ROR2: variants seen among roughly 807,000 people sequenced by gnomAD.
ROR2 encodes ROR family WNT receptor 2.
In ROR2, 33 loss-of-function variants were observed where a neutral mutation model predicts 74.9. That is an observed-to-expected ratio of 0.44 (90% CI 0.33 to 0.59). The LOEUF (loss-of-function observed/expected upper bound fraction) is 0.59. ROR2 is among the 20% of genes least tolerant of loss of function. ROR2 has a pLI of 0.02. For synonymous variants in ROR2, 586 were observed against 558.7 expected (o/e 1.05, Z -0.69); for missense variants, 1,216 against 1,313.8 (o/e 0.93, Z 1.15).
intron 1 of ROR2, among the ~76,000 whole-genome samples, chr9:91,927,441 G>A (rs969838356): frequency 6.6e-6 from 1 of 152,126 alleles, no homozygotes; most frequent in Non-Finnish European, 1.5e-5. Context: ...CCTGAAGGGG[G>A]ACCAGGGGAG....
chr9:91,799,995 T>G (rs1024497825), intron 1 of ROR2, among the ~76,000 whole-genome samples: 19 of 152,218 alleles, frequency 1.2e-4, no homozygotes, highest in Non-Finnish European at 7.3e-5. Flanking sequence ...CTTACTTTCC[T>G]TTTTTGTGAC....
At position 91,724,003 on chromosome 9, in the gene ROR2, C is replaced by CA. The variant is rs1182767715; in HGVS notation, c.2490dup (p.Gly831TrpfsTer65). The CA allele has an allele frequency of 6.2e-7, 1 of 1,612,670 alleles. No individual in the cohort carries two copies. Among genetic ancestry groups the CA allele is most frequent in the East Asian group, 2.2e-5 (1 of 44,866 alleles). On this transcript the variant is annotated frameshift_variant, in exon 9 of 9. Coordinates refer to ENST00000375708, the MANE Select transcript of ROR2 (RefSeq NM_004560.4). LOFTEE classifies it low-confidence loss of function (END_TRUNC). ...GGGTAGAAGTTGGGCAGGTAGGCCC[C>CA]ATAGGCCGGCACCGGCTGGTAGCCG...
intron 1 of ROR2, among the ~76,000 whole-genome samples, chr9:91,926,450 G>A (rs1406560473): frequency 6.7e-6 from 1 of 149,234 alleles, no homozygotes; most frequent in African/African-American, 2.5e-5. Flanking sequence ...GGAGGCTGAA[G>A]CTGGAGAATT....
At chr9:91,874,506 A>C (rs1829901026) in intron 1 of ROR2, among the ~76,000 whole-genome samples, 1 of 152,268 alleles carries the variant, frequency 6.6e-6, no homozygotes, top group African/African-American at 2.4e-5. Flanking sequence ...TCCGTGTTCG[A>C]AAGAAGCCTA....
intron 1 of ROR2, among the ~76,000 whole-genome samples, chr9:91,816,016 A>T (rs1269473306): frequency 6.6e-6 from 1 of 152,022 alleles, no homozygotes; most frequent in Non-Finnish European, 1.5e-5. Flanking sequence ...TTCTCCATAA[A>T]CGGTAAGCAG....
Position 91,932,628 on chromosome 9 carries a change from C to T in ROR2, c.97+17239G>A, listed in dbSNP as rs139231247. ...GCAGTGAGCCAAGATTGCGCCATTG[C>T]ACTCCAGCCTGGGCAACTGAGCGAG... On this transcript the variant is annotated intron_variant, in intron 1 of 8. Coordinates refer to ENST00000375708, the MANE Select transcript of ROR2 (RefSeq NM_004560.4). Among the ~76,000 whole-genome samples the T allele has an allele frequency of 3.5e-3, 523 of 151,180 alleles. 7 individuals carry two copies. The highest frequency in any genetic ancestry group is 0.012 in the African/African-American group (492 of 41,230).
intron 1 of ROR2, among the ~76,000 whole-genome samples, chr9:91,946,524 C>T (rs995193663): frequency 2.0e-5 from 3 of 152,290 alleles, no homozygotes; most frequent in Admixed American, 2.0e-4. Context: ...CAGATAAACA[C>T]CAAAAGGAAA....
intron 1 of ROR2, among the ~76,000 whole-genome samples, chr9:91,872,852 A>G (rs1829841900): frequency 6.6e-6 from 1 of 152,158 alleles, no homozygotes; most frequent in African/African-American, 2.4e-5. Context: ...GGAAAAGTAA[A>G]GGCACCCTGG....
chr9:91,842,870 A>AG (rs945242592), intron 1 of ROR2, among the ~76,000 whole-genome samples: 1 of 152,216 alleles, frequency 6.6e-6, no homozygotes, highest in South Asian at 2.1e-4. Flanking sequence ...AGCAGTGGTG[A>AG]GGGGGGCATC....
chr9:91,813,591 C>T (rs966199429), intron 1 of ROR2, among the ~76,000 whole-genome samples: 5 of 152,304 alleles, frequency 3.3e-5, no homozygotes, highest in Admixed American at 6.5e-5. Context: ...AGGAACCAAA[C>T]TGCAACGCAA....
At position 91,905,621 on chromosome 9, in the gene ROR2, G is replaced by GC. The variant is rs970355985; in HGVS notation, c.97+44245dup. Among the ~76,000 whole-genome samples, 1 of 150,846 alleles carries GC rather than the reference G, an allele frequency of 6.6e-6. No homozygotes were observed. Among genetic ancestry groups the GC allele is most frequent in the African/African-American group, 2.4e-5 (1 of 40,892 alleles). On this transcript the variant is annotated intron_variant, in intron 1 of 8. Coordinates refer to ENST00000375708, the MANE Select transcript of ROR2 (RefSeq NM_004560.4). This position sits in a 1 kb window ranked among gnomAD's most constrained non-coding sequence, Gnocchi z 5.3. Reference sequence around the variant, plus strand: ...TGCCACACACAACACATATACAGATGCCCCCAACACACATAAACACACATA... The same window carrying GC: ...TGCCACACACAACACATATACAGATGCCCCCCAACACACATAAACACACATA...
chr9:91,904,173 T>G (rs1056492211), intron 1 of ROR2, among the ~76,000 whole-genome samples: 1 of 151,916 alleles, frequency 6.6e-6, no homozygotes, highest in Non-Finnish European at 1.5e-5. Context: ...CCCGAGTAGC[T>G]GGGATTACAG....
At chr9:91,808,718 G>T (rs959511696) in intron 1 of ROR2, among the ~76,000 whole-genome samples, 1 of 151,814 alleles carries the variant, frequency 6.6e-6, no homozygotes, top group Non-Finnish European at 1.5e-5. Flanking sequence ...CAGCACTTTC[G>T]GAGGCCGAGG....
chr9:91,795,830 A>G (rs924087284), intron 1 of ROR2, among the ~76,000 whole-genome samples: 3 of 152,236 alleles, frequency 2.0e-5, no homozygotes, highest in African/African-American at 7.2e-5. Context: ...AATAGCACAC[A>G]GGAACCTCTG....
At position 91,723,362 on chromosome 9, in the gene ROR2, C is replaced by T. The variant is rs1206943644; in HGVS notation, c.*300G>A. ...CACCTATTTTCTTGAAAGGCATTTG[C>T]TGCTCACTACCAGTCTACCACCAGA... On this transcript the variant is annotated 3_prime_UTR_variant, in exon 9 of 9. Coordinates refer to ENST00000375708, the MANE Select transcript of ROR2 (RefSeq NM_004560.4). The T allele has an allele frequency of 5.0e-6, 2 of 399,564 alleles. No homozygotes were observed. Among genetic ancestry groups the T allele is most frequent in the Non-Finnish European group, 9.0e-6 (2 of 221,652 alleles). 24.8% of individuals were successfully genotyped at this position (399,564 alleles called of 1,614,324 possible). A position where few individuals can be genotyped will look rare whatever the true frequency, so the allele number is the denominator to read the frequency against.
chr9:91,826,048 T>A (rs2119166764), intron 1 of ROR2, among the ~76,000 whole-genome samples: 1 of 152,332 alleles, frequency 6.6e-6, no homozygotes, highest in African/African-American at 2.4e-5. Flanking sequence ...ACAAGGAATG[T>A]CGATGTCTTA....
rs1832131051 is a variant in ROR2, at chr9:91,949,975, T to C, written c.-12A>G. On this transcript the variant is annotated 5_prime_UTR_variant, in exon 1 of 9. Coordinates refer to ENST00000375708, the MANE Select transcript of ROR2 (RefSeq NM_004560.4). ...GAGCCCCGGGCCATGCCGCAGGCAG[T>C]GGGGGCCGGGAAGCCCTCAGAGCTT... The C allele has an allele frequency of 1.4e-6, 2 of 1,433,302 alleles. No individual in the cohort carries two copies. The highest frequency in any genetic ancestry group is 1.8e-6 in the Non-Finnish European group (2 of 1,098,554). The allele number at this position is 1,433,302 out of a possible 1,614,324, so 88.8% of individuals were successfully genotyped here.
intron 1 of ROR2, among the ~76,000 whole-genome samples, chr9:91,889,951 C>A (rs1830384651): frequency 6.6e-6 from 1 of 152,122 alleles, no homozygotes; most frequent in African/African-American, 2.4e-5. Context: ...GGTTACCATT[C>A]CTGTAGCCAA....
chr9:91,783,679 CT>C (rs1039121312), intron 1 of ROR2, among the ~76,000 whole-genome samples: 1 of 152,230 alleles, frequency 6.6e-6, no homozygotes, highest in African/African-American at 2.4e-5. Flanking sequence ...GCTGACATTT[CT>C]TTTTCTCATA....
Sources: allele counts gnomAD v4.1 joint callset (sites outside exome capture counted in the v4.1 genomes callset), GRCh38; gene constraint gnomAD v4.1.1; non-coding constraint Gnocchi (gnomAD v3.1); transcripts MANE v1.5; gene names NCBI Gene and HGNC (gene_info 2026-07-23, HGNC 2026-07-21).